CEP192: variants seen among roughly 807,000 people sequenced by gnomAD.
The protein encoded by CEP192 is centrosomal protein of 192 kDa.
A neutral mutation model predicts 271.8 loss-of-function variants in CEP192; 151 were observed. That is an observed-to-expected ratio of 0.56 (90% CI 0.49 to 0.64). CEP192 has a LOEUF of 0.64. Among genes scored for constraint, CEP192 ranks in the 30% least tolerant of loss-of-function variants. CEP192 has a pLI of 0.00. For missense variants in CEP192, 2,910 were observed against 3,020.5 expected (o/e 0.96, Z 0.86); for synonymous variants, 995 against 1,076.5 (o/e 0.92, Z 1.48).
chr18:13,098,012 A>T (rs562081121), intron 36 of CEP192, among the ~76,000 whole-genome samples: 4 of 152,164 alleles, frequency 2.6e-5, no homozygotes, highest in African/African-American at 9.7e-5. Context: ...TTCTTAGTAC[A>T]GAACAAAATG....
chr18:13,082,432 C>CTTTTTTTTTTTTTTTTTTTTT (rs57663388), intron 30 of CEP192, among the ~76,000 whole-genome samples: 5 of 49,942 alleles, frequency 1.0e-4, no homozygotes, highest in African/African-American at 3.9e-4. Context: ...GCAACCCCTG[C>CTTTTTTTTTTTTTTTTTTTTT]TTTTTTTTTT....
At position 13,059,441 on chromosome 18, in the gene CEP192, T is replaced by G; in HGVS notation, c.4488+129T>G. 6 of 673,562 alleles carry G rather than the reference T, an allele frequency of 8.9e-6. No individual in the cohort carries two copies. The South Asian group carries it at 1.2e-4, about 13-fold the overall frequency. 41.7% of individuals were successfully genotyped at this position (673,562 alleles called of 1,614,324 possible). On this transcript the variant is annotated intron_variant, in intron 21 of 44. Transcript: ENST00000506447. ...CACAAAATTAGTTTCAAGCTGAACT[T>G]TGGTTCTTAATATCTTTTTATTTCA...
At chr18:13,024,256 C>G in intron 9 of CEP192, 1 of 453,446 alleles carries the variant, frequency 2.2e-6, no homozygotes, top group South Asian at 1.6e-5. Flanking sequence ...TGCCTTATCT[C>G]TGATAACTTT....
intron 2 of CEP192, among the ~76,000 whole-genome samples, chr18:13,000,091 C>CTCTCTCTTTTTTTTTTTTTTT (rs1555698196): frequency 1.3e-5 from 1 of 76,748 alleles, no homozygotes; most frequent in African/African-American, 4.3e-5. Context: ...TGTCTTCTCT[C>CTCTCTCTTTTTTTTTTTTTTT]TTTTTTTTTT....
intron 33 of CEP192, among the ~76,000 whole-genome samples, chr18:13,090,155 G>A (rs937340500): frequency 6.6e-6 from 1 of 152,160 alleles, no homozygotes; most frequent in Admixed American, 6.5e-5. Flanking sequence ...CATACAGACT[G>A]TGTTAAAATG....
At chr18:13,096,416 G>A (rs188517708) in intron 36 of CEP192, 109 bp downstream of exon 36, 26 of 1,415,730 alleles carry the variant, frequency 1.8e-5, no homozygotes, top group East Asian at 1.2e-4. Context: ...ATTTTGCACC[G>A]TGCTGACTCT....
chr18:13,081,876 C>A (rs1008880736), intron 30 of CEP192, among the ~76,000 whole-genome samples: 1 of 152,196 alleles, frequency 6.6e-6, no homozygotes, highest in Non-Finnish European at 1.5e-5. Flanking sequence ...AGTAGTCATT[C>A]AGGAGCAGGT....
chr18:13,056,608 C>G lies in CEP192; in HGVS notation c.4018C>G (p.Leu1340Val), dbSNP rs1412579967. Residue 1340 changes from leucine to valine, a missense_variant, in exon 19 of 45, where the codon CTG becomes GTG. Leu to Val is a conservative substitution (Grantham distance 32, BLOSUM62 1). Coordinates refer to ENST00000506447, the MANE Select transcript of CEP192 (RefSeq NM_032142.4). ...NPYSNTLNQN[L>V]LSTTKPFPVP... is the part of the protein sequence containing the mutation. ...ATATTCTAATACCTTAAATCAGAAC[C>G]TGCTAAGCACAACAAAACCTTTTCC... The G allele has an allele frequency of 2.5e-6, 4 of 1,614,206 alleles. No homozygotes were observed. In the African/African-American group the frequency reaches 5.3e-5, roughly 22 times the overall value.
At chr18:13,003,124 G>A (rs2033752504) in intron 3 of CEP192, among the ~76,000 whole-genome samples, 1 of 152,126 alleles carries the variant, frequency 6.6e-6, no homozygotes, top group South Asian at 2.1e-4. Flanking sequence ...GTAGGCTGAA[G>A]GCAGTGGTCA....
rs774239586 is a variant in CEP192, at chr18:13,087,150, A to G, written c.5750A>G (p.Asn1917Ser). The G allele has an allele frequency of 1.2e-6, 2 of 1,614,154 alleles. No homozygotes were observed. The highest frequency in any genetic ancestry group is 2.2e-5 in the East Asian group (1 of 44,868). ...KESKIVFSVR[N>S]TGSRAAFVKA... ...AGTAAAATTGTTTTTTCTGTCCGCA[A>G]CACTGGCTCCCGAGCAGCTTTTGTT... The change falls in exon 31 of 45, where the codon AAC (asparagine) becomes AGC (serine). Residue 1917 changes from asparagine (N) to serine (S), a missense_variant. Coordinates refer to ENST00000506447, the MANE Select transcript of CEP192 (RefSeq NM_032142.4).
chr18:13,018,674 TA>T lies in CEP192; in HGVS notation c.925+69del, dbSNP rs200402627. The T allele has an allele frequency of 6.3e-3, 6,189 of 982,720 alleles. 65 individuals carry two copies. Among genetic ancestry groups the T allele is most frequent in the East Asian group, 0.06 (1,795 of 30,106 alleles). 60.9% of individuals were successfully genotyped at this position (982,720 alleles called of 1,614,324 possible). A position where few individuals can be genotyped will look rare whatever the true frequency, so the allele number is the denominator to read the frequency against. On this transcript the variant is annotated intron_variant, in intron 8 of 44. Coordinates refer to ENST00000506447, the MANE Select transcript of CEP192 (RefSeq NM_032142.4). The stretch of plus-strand genomic sequence containing the variant: ...GTTCTAGTTTTGACTTTACTTTTTT[TA>T]AAAAAAAAATATTTCTCTGGTATGA...
At chr18:13,036,302 CTT>C (rs2035914028) in intron 11 of CEP192, among the ~76,000 whole-genome samples, 1 of 152,062 alleles carries the variant, frequency 6.6e-6, no homozygotes, top group African/African-American at 2.4e-5. Context: ...TTTCTTTTGT[CTT>C]AGGTTGTGAA....
intron 9 of CEP192, chr18:13,024,384 C>T (rs998106955): frequency 2.2e-6 from 1 of 454,468 alleles, no homozygotes; most frequent in African/African-American, 2.0e-5. Flanking sequence ...ATGTTGGTTT[C>T]TTGTAGACGT....
intron 40 of CEP192, among the ~76,000 whole-genome samples, chr18:13,110,502 T>C (rs1729071301): frequency 6.6e-6 from 1 of 152,084 alleles, no homozygotes; most frequent in Admixed American, 6.5e-5. Flanking sequence ...AAATAGTGCC[T>C]GGGAGAACTG....
At chr18:13,059,602 G>C (rs1435379926) in intron 21 of CEP192, among the ~76,000 whole-genome samples, 1 of 152,190 alleles carries the variant, frequency 6.6e-6, no homozygotes, top group Admixed American at 6.5e-5. Flanking sequence ...CAACATGCCA[G>C]TGGTTCATAT....
intron 43 of CEP192, among the ~76,000 whole-genome samples, chr18:13,117,029 C>G (rs911775861): frequency 6.6e-6 from 1 of 151,074 alleles, no homozygotes; most frequent in African/African-American, 2.4e-5. Context: ...TGAGACCAAC[C>G]TGGGCAATAT....
At chr18:13,114,071 G>A (rs1305557381) in intron 41 of CEP192, 59 bp from the exon 42 acceptor site, 1 of 1,526,174 alleles carries the variant, frequency 6.6e-7, no homozygotes, top group African/African-American at 1.4e-5. Flanking sequence ...ATAAGTAAAT[G>A]TCCATATATT....
intron 30 of CEP192, among the ~76,000 whole-genome samples, chr18:13,080,007 G>A (rs2038504371): frequency 6.6e-6 from 1 of 152,010 alleles, no homozygotes; most frequent in South Asian, 2.1e-4. Context: ...ATCTGTTTTG[G>A]TACCAGTACC....
intron 26 of CEP192, among the ~76,000 whole-genome samples, chr18:13,069,511 G>A (rs980664592): frequency 1.3e-5 from 2 of 152,156 alleles, no homozygotes; most frequent in Non-Finnish European, 2.9e-5. Flanking sequence ...GTGAATGAGA[G>A]GGGGTTAGTG....
Sources: gnomAD v4.1 joint callset for allele counts (sites outside exome capture counted in the v4.1 genomes callset) on GRCh38, gnomAD v4.1.1 for gene constraint, MANE v1.5 for transcripts, NCBI Gene and HGNC (gene_info 2026-07-23, HGNC 2026-07-21) for gene names.